The following ANAPC10 variants were observed in gnomAD, a reference collection of about 807,000 sequenced individuals.
The protein encoded by ANAPC10 is anaphase-promoting complex subunit 10.
Under a neutral mutation model 22.0 loss-of-function variants are expected in ANAPC10, and 12 were observed. The ratio of observed to expected loss-of-function variants is 0.55; its 90% confidence interval spans 0.35 to 0.88. The LOEUF is 0.88. Among genes scored for constraint, ANAPC10 ranks in the 40% least tolerant of loss-of-function variants. The pLI is 0.01. For synonymous variants in ANAPC10, 65 were observed against 69.5 expected (o/e 0.94, Z 0.32); for missense variants, 188 against 220.9 (o/e 0.85, Z 0.94).
chr4:145,086,955 C>T (rs1488401226), intron 2 of ANAPC10, among the ~76,000 whole-genome samples: 1 of 151,828 alleles, frequency 6.6e-6, no homozygotes, highest in Non-Finnish European at 1.5e-5. Context: ...GGGAGGGATA[C>T]GATTCTGCAC....
chr4:145,004,686 G>A (rs1340253922), intron 4 of ANAPC10, among the ~76,000 whole-genome samples: 1 of 152,106 alleles, frequency 6.6e-6, no homozygotes, highest in Non-Finnish European at 1.5e-5. Context: ...TGTATTCCAG[G>A]GATGAAGCCC....
intron 4 of ANAPC10, among the ~76,000 whole-genome samples, chr4:145,032,478 T>C (rs889411442): frequency 3.9e-5 from 6 of 152,154 alleles, no homozygotes; most frequent in African/African-American, 1.4e-4. Flanking sequence ...CTGAATATAT[T>C]TGTATCCCAT....
chr4:145,052,363 C>T (rs1056628383), intron 4 of ANAPC10, among the ~76,000 whole-genome samples: 2 of 151,974 alleles, frequency 1.3e-5, no homozygotes, highest in African/African-American at 4.8e-5. Context: ...ATTATAAGCA[C>T]CATAAATATA....
chr4:145,009,205 AT>A (rs1262428057), intron 4 of ANAPC10, among the ~76,000 whole-genome samples: 3 of 152,180 alleles, frequency 2.0e-5, no homozygotes, highest in Non-Finnish European at 4.4e-5. Flanking sequence ...ATGGAAGAAC[AT>A]TCCATGCTCA....
intron 3 of ANAPC10, among the ~76,000 whole-genome samples, chr4:145,076,680 T>C (rs1315630773): frequency 6.6e-6 from 1 of 152,152 alleles, no homozygotes; most frequent in African/African-American, 2.4e-5. Context: ...CAGATGGAAG[T>C]TGAAACCCAA....
intron 4 of ANAPC10, among the ~76,000 whole-genome samples, chr4:145,023,811 T>C (rs79994140): frequency 0.017 from 2,664 of 152,290 alleles, 69 homozygotes; most frequent in Admixed American, 0.073. Flanking sequence ...TGGGTGGCTG[T>C]AGAAATTTCT....
intron 4 of ANAPC10, among the ~76,000 whole-genome samples, chr4:145,044,222 T>G (rs965784900): frequency 2.0e-5 from 3 of 152,066 alleles, no homozygotes; most frequent in Admixed American, 6.6e-5. Context: ...ATCATACTCA[T>G]TATAGCAATG....
chr4:145,025,675 A>G (rs777743545), intron 4 of ANAPC10, among the ~76,000 whole-genome samples: 7 of 152,186 alleles, frequency 4.6e-5, no homozygotes, highest in Non-Finnish European at 8.8e-5. Flanking sequence ...AAAAAGTTTG[A>G]AGTTTGAAAT....
intron 4 of ANAPC10, among the ~76,000 whole-genome samples, chr4:145,055,037 C>CA (rs1221733942): frequency 2.6e-5 from 4 of 151,114 alleles, no homozygotes; most frequent in African/African-American, 7.3e-5. Context: ...ATTTCTAAGG[C>CA]AAAAAAAATT....
chr4:145,058,924 C>G (rs184066588), intron 4 of ANAPC10, among the ~76,000 whole-genome samples: 34 of 152,160 alleles, frequency 2.2e-4, no homozygotes, highest in African/African-American at 7.9e-4. Context: ...ATGTGTATCA[C>G]ACCAAAACAT....
intron 4 of ANAPC10, among the ~76,000 whole-genome samples, chr4:145,061,010 A>G (rs1391431737): frequency 6.6e-6 from 1 of 152,126 alleles, no homozygotes; most frequent in Non-Finnish European, 1.5e-5. Context: ...TTAAAGCAAC[A>G]TCCAAAAATT....
chr4:145,067,958 T>C (rs1469139078), intron 3 of ANAPC10, among the ~76,000 whole-genome samples: 2 of 152,178 alleles, frequency 1.3e-5, no homozygotes, highest in Admixed American at 1.3e-4. Context: ...ACCTTTCTCA[T>C]CTACTCCTTC....
intron 4 of ANAPC10, among the ~76,000 whole-genome samples, chr4:145,005,255 G>T (rs1412106305): frequency 1.3e-5 from 2 of 152,042 alleles, no homozygotes; most frequent in Non-Finnish European, 2.9e-5. Context: ...TAGCTTATGT[G>T]CAAAGAGGGG....
intron 3 of ANAPC10, among the ~76,000 whole-genome samples, chr4:145,066,695 A>G (rs938150792): frequency 6.6e-6 from 1 of 152,174 alleles, no homozygotes; most frequent in African/African-American, 2.4e-5. Context: ...TGTCTGGCCC[A>G]GAAGTAATGC....
intron 4 of ANAPC10, among the ~76,000 whole-genome samples, chr4:145,017,630 A>G (rs1007017154): frequency 2.0e-5 from 3 of 152,202 alleles, no homozygotes; most frequent in African/African-American, 7.2e-5. Flanking sequence ...GTATATACCC[A>G]AAGGAATATA....
chr4:144,995,723 TATG>T, intron 4 of ANAPC10, 120 bp from the exon 5 acceptor site: 2 of 711,982 alleles, frequency 2.8e-6, no homozygotes, highest in Non-Finnish European at 4.5e-6. Flanking sequence ...AGAATGACAA[TATG>T]ATAATAATCA....
Position 145,015,623 on chromosome 4 carries a change from T to C in ANAPC10, c.328-20020A>G, listed in dbSNP as rs747572023. On this transcript the variant is annotated intron_variant, in intron 4 of 4. Coordinates refer to ENST00000507656, the MANE Select transcript of ANAPC10 (RefSeq NM_001256706.2). ...AATTCCTCACAAAAAGATCATCACC[T>C]AGGCACACTGTCATCAGGTAATGTA... Among the ~76,000 whole-genome samples, 28 of 152,108 alleles carry C rather than the reference T, an allele frequency of 1.8e-4. 1 individual carries two copies. The highest frequency in any genetic ancestry group is 4.1e-4 in the Non-Finnish European group (28 of 68,036).
intron 4 of ANAPC10, among the ~76,000 whole-genome samples, chr4:145,056,049 C>T (rs553372344): frequency 2.0e-5 from 3 of 152,234 alleles, no homozygotes; most frequent in South Asian, 2.1e-4. Flanking sequence ...TTGTCAGAGG[C>T]GTGTGAAACC....
chr4:145,060,650 G>T (rs79111514), intron 4 of ANAPC10, among the ~76,000 whole-genome samples: 1 of 151,658 alleles, frequency 6.6e-6, no homozygotes, highest in African/African-American at 2.4e-5. Flanking sequence ...AAACATCCAC[G>T]GAAAAATAAA....
Sources: gnomAD v4.1 joint callset for allele counts (sites outside exome capture counted in the v4.1 genomes callset) on GRCh38, gnomAD v4.1.1 for gene constraint, MANE v1.5 for transcripts, NCBI Gene and HGNC (gene_info 2026-07-23, HGNC 2026-07-21) for gene names.